MED15: variants seen among roughly 807,000 people sequenced by gnomAD.
The protein encoded by MED15 is mediator complex subunit 15.
A neutral mutation model predicts 118.7 loss-of-function variants in MED15; 41 were observed. The ratio of observed to expected loss-of-function variants is 0.35; its 90% CI spans 0.27 to 0.45. MED15 has a LOEUF of 0.45. Ranked by LOEUF, MED15 falls within the 20% of genes least tolerant of loss-of-function variation. The probability of loss-of-function intolerance (pLI) is 1.00; values close to 1 mark genes in which losing one functional copy is unlikely to be tolerated. For synonymous variants in MED15, 436 were observed against 413.9 expected (o/e 1.05, Z -0.65); for missense variants, 740 against 1,025.5 (o/e 0.72, Z 3.80).
rs1449319038 is a variant in MED15 at position 20,537,151 on chromosome 22, A to G, written c.103A>G (p.Ser35Gly). 3 of 1,614,040 alleles carry G rather than the reference A, an allele frequency of 1.9e-6. No individual in the cohort carries two copies. In the Admixed American group the frequency reaches 5.0e-5, roughly 27 times the overall value. The part of the protein sequence containing the change: ...DAMRKAGVAH[S>G]KSSKDMESHV... ...CATGAGGAAAGCTGGTGTGGCACAC[A>G]GTAAATCCAGCAAGGATATGGAGAG... Residue 35 changes from serine (S) to glycine (G), a missense_variant, in exon 2 of 18, where the codon AGT becomes GGT. By Grantham distance (56) the Ser-to-Gly change is moderately conservative. Around this residue, in one of 7 missense-constraint regions of MED15, gnomAD observed 33 missense variants for 78.2 expected, o/e 0.42. Transcript: ENST00000263205.
intron 1 of MED15, among the ~76,000 whole-genome samples, chr22:20,526,912 C>A (rs1315787697): frequency 6.6e-6 from 1 of 152,166 alleles, no homozygotes; most frequent in Non-Finnish European, 1.5e-5. Context: ...GTGATTTATT[C>A]CCTCATTCTG....
At chr22:20,566,306 C>T (rs1319837809) in intron 6 of MED15, among the ~76,000 whole-genome samples, 161 bp from the exon 7 acceptor site, 1 of 152,154 alleles carries the variant, frequency 6.6e-6, no homozygotes, top group Non-Finnish European at 1.5e-5. Context: ...TCCCAAAGTG[C>T]TGGGATTACA....
chr22:20,586,512 C>A, intron 17 of MED15, 56 bp from the exon 18 acceptor site: 1 of 1,589,332 alleles, frequency 6.3e-7, no homozygotes. Flanking sequence ...GCCGGGTGTG[C>A]CAGGAGCGAG....
chr22:20,578,395 G>C (rs938167337), intron 9 of MED15, among the ~76,000 whole-genome samples: 13 of 152,170 alleles, frequency 8.5e-5, no homozygotes, highest in Admixed American at 2.0e-4. Context: ...CTTCCCCGCA[G>C]AGGGCCCTCC....
At chr22:20,521,325 GA>G (rs2054447324) in intron 1 of MED15, among the ~76,000 whole-genome samples, 1 of 151,608 alleles carries the variant, frequency 6.6e-6, no homozygotes, top group African/African-American at 2.4e-5. Flanking sequence ...TCGAACTCCT[GA>G]CCTCAGGGGA....
At chr22:20,536,473 A>G (rs995785776) in intron 1 of MED15, among the ~76,000 whole-genome samples, 2 of 152,212 alleles carry the variant, frequency 1.3e-5, no homozygotes, top group East Asian at 1.9e-4. Context: ...ATAGGATTCT[A>G]TCTCTTAGTA....
chr22:20,570,562 T>G (rs1260269611), intron 8 of MED15, among the ~76,000 whole-genome samples: 1 of 151,088 alleles, frequency 6.6e-6, no homozygotes, highest in Admixed American at 6.6e-5. Context: ...TGGCTAATTT[T>G]TGTATTTTTA....
intron 14 of MED15, 38 bp downstream of exon 14, chr22:20,584,463 C>T: frequency 6.2e-7 from 1 of 1,601,302 alleles, no homozygotes; most frequent in Non-Finnish European, 8.6e-7. Context: ...GGAACCAGGG[C>T]TCTCCTAAGA....
intron 2 of MED15, among the ~76,000 whole-genome samples, chr22:20,548,828 G>T (rs932588711): frequency 6.6e-6 from 1 of 151,914 alleles, no homozygotes; most frequent in African/African-American, 2.4e-5. Context: ...ACTTTTTGAG[G>T]TGGGGTCTCA....
intron 5 of MED15, among the ~76,000 whole-genome samples, chr22:20,562,130 C>T (rs1378283792): frequency 6.6e-6 from 1 of 152,050 alleles, no homozygotes; most frequent in African/African-American, 2.4e-5. Context: ...CACTGCATTC[C>T]AGCCTGGGTG....
In MED15 at chr22:20,566,807, C is replaced by T; in HGVS notation, c.1031C>T (p.Pro344Leu). Residue 344 changes from proline (P) to leucine (L), a missense_variant, in exon 7 of 18, where the codon CCA becomes CTA. Coordinates refer to ENST00000263205, the MANE Select transcript of MED15 (RefSeq NM_001003891.3). ...GGACAAATGTTGTATACCCAACCAC[C>T]ACTGAAATTTGTGAGTACCTGTGGC... ...LPGQMLYTQP[P>L]LKFVRAPMVV... The T allele has an allele frequency of 6.2e-7, 1 of 1,613,224 alleles. No homozygotes were observed. Among genetic ancestry groups the T allele is most frequent in the Non-Finnish European group, 8.5e-7 (1 of 1,179,160 alleles).
chr22:20,541,149 G>T (rs1243913356), intron 2 of MED15, among the ~76,000 whole-genome samples: 1 of 152,158 alleles, frequency 6.6e-6, no homozygotes, highest in African/African-American at 2.4e-5. Context: ...TGAGGCAGGA[G>T]AATGGCGTGA....
chr22:20,551,640 C>A, intron 3 of MED15, 153 bp downstream of exon 3: 1 of 730,048 alleles, frequency 1.4e-6, no homozygotes, highest in Non-Finnish European at 2.4e-6. Flanking sequence ...CACTGCCTTG[C>A]ATTTGACTCC....
rs2054460134 is a variant in MED15, at chr22:20,521,565, T to C, written c.68+13819T>C. ...CACCCGGCTAATTTTTTTTTTTTTT[T>C]TGTATTTTTTTTAGTAGAGATGGGG... On this transcript the variant is annotated intron_variant, in intron 1 of 17. Coordinates refer to ENST00000263205, the MANE Select transcript of MED15 (RefSeq NM_001003891.3). Among the ~76,000 whole-genome samples, 4 of 149,582 alleles carry C rather than the reference T, an allele frequency of 2.7e-5. No individual in the cohort carries two copies. The South Asian group carries it at 6.4e-4, about 24-fold the overall frequency.
chr22:20,559,342 T>A (rs1278352738), intron 5 of MED15, among the ~76,000 whole-genome samples: 6 of 151,984 alleles, frequency 3.9e-5, no homozygotes, highest in African/African-American at 1.5e-4. Context: ...AGAATTTGTG[T>A]AATAGAAGCT....
chr22:20,578,417 C>T (rs1057054898), intron 9 of MED15, among the ~76,000 whole-genome samples: 2 of 152,216 alleles, frequency 1.3e-5, no homozygotes, highest in African/African-American at 2.4e-5. Flanking sequence ...CAGCTCAGCC[C>T]TCTACGTCCG....
At chr22:20,529,871 C>T (rs1049177871) in intron 1 of MED15, among the ~76,000 whole-genome samples, 3 of 152,110 alleles carry the variant, frequency 2.0e-5, no homozygotes, top group African/African-American at 7.2e-5. Context: ...GGATTACAGG[C>T]GTGAGCCACT....
At chr22:20,515,889 G>A (rs974105316) in intron 1 of MED15, among the ~76,000 whole-genome samples, 4 of 152,058 alleles carry the variant, frequency 2.6e-5, no homozygotes, top group Admixed American at 1.3e-4. Flanking sequence ...TGTAGTCCCA[G>A]CTACTTGGGA....
At chr22:20,531,520 TG>T (rs1294884200) in intron 1 of MED15, among the ~76,000 whole-genome samples, 7 of 152,334 alleles carry the variant, frequency 4.6e-5, no homozygotes, top group East Asian at 1.9e-4. Flanking sequence ...GTCTGCTTCC[TG>T]CCAGGCCCAG....
Sources: gnomAD v4.1 joint callset for allele counts (sites outside exome capture counted in the v4.1 genomes callset) on GRCh38, gnomAD v4.1.1 for gene constraint, gnomAD v4.1.1 regional missense constraint, MANE v1.5 for transcripts, NCBI Gene and HGNC (gene_info 2026-07-23, HGNC 2026-07-21) for gene names.